The following ACOXL variants were observed in gnomAD, a reference collection of about 807,000 sequenced individuals.
ACOXL encodes acyl-CoA oxidase like.
A neutral mutation model predicts 71.9 loss-of-function variants in ACOXL; 70 were observed. That is an observed-to-expected ratio of 0.97 (90% CI 0.80 to 1.19). ACOXL has a LOEUF of 1.19. Among genes scored for constraint, ACOXL ranks in the 50% most tolerant of loss-of-function variants. The pLI is 0.00. For missense variants in ACOXL, 703 were observed against 736.3 expected (o/e 0.95, Z 0.52); for synonymous variants, 253 against 281.6 (o/e 0.90, Z 1.02).
At chr2:110,806,779 C>T (rs1332199108) in intron 9 of ACOXL, among the ~76,000 whole-genome samples, 1 of 152,146 alleles carries the variant, frequency 6.6e-6, no homozygotes, top group Non-Finnish European at 1.5e-5. Context: ...GGAAACCTTG[C>T]ACTCTTGCTG....
intron 16 of ACOXL, among the ~76,000 whole-genome samples, chr2:111,088,181 A>G (rs779125583): frequency 2.0e-5 from 3 of 152,250 alleles, no homozygotes; most frequent in African/African-American, 7.2e-5. Flanking sequence ...GGGAACGCCT[A>G]TGTACTGCTG....
In ACOXL at chr2:111,026,744, G is replaced by A. The variant is rs74663878; in HGVS notation, c.1282-4883G>A. Among the ~76,000 whole-genome samples, 831 of 152,234 alleles carry A rather than the reference G, an allele frequency of 5.5e-3. 6 individuals carry two copies. The highest frequency in any genetic ancestry group is 0.019 in the African/African-American group (800 of 41,540). On this transcript the variant is annotated intron_variant, in intron 14 of 17. Transcript: ENST00000439055. ...GCCTTGATTCAAATCCCAAGAGGGGGTTCTTGGATCATGTGCAGGAAGGAA... is the reference window on the plus strand; with the variant it reads ...GCCTTGATTCAAATCCCAAGAGGGGATTCTTGGATCATGTGCAGGAAGGAA...
intron 12 of ACOXL, among the ~76,000 whole-genome samples, chr2:110,946,425 T>C (rs1322758485): frequency 6.6e-6 from 1 of 152,230 alleles, no homozygotes; most frequent in Non-Finnish European, 1.5e-5. Flanking sequence ...CTATGCTGAA[T>C]ATAAGTGGTG....
At chr2:110,855,144 A>T (rs1352684290) in intron 10 of ACOXL, among the ~76,000 whole-genome samples, 1 of 152,222 alleles carries the variant, frequency 6.6e-6, no homozygotes, top group African/African-American at 2.4e-5. Flanking sequence ...TACTTCTTAC[A>T]TCTTTTTTGT....
intron 9 of ACOXL, among the ~76,000 whole-genome samples, chr2:110,831,874 A>C (rs1689870520): frequency 6.6e-6 from 1 of 152,212 alleles, no homozygotes; most frequent in Non-Finnish European, 1.5e-5. Context: ...GAACATCCAC[A>C]CATGAAAAAA....
intron 10 of ACOXL, among the ~76,000 whole-genome samples, chr2:110,874,253 C>T (rs1695622210): frequency 6.6e-6 from 1 of 152,182 alleles, no homozygotes; most frequent in South Asian, 2.1e-4. Context: ...GGAGAGTGGG[C>T]ACGACATTTG....
At chr2:110,819,422 G>A (rs1426781243) in intron 9 of ACOXL, among the ~76,000 whole-genome samples, 2 of 152,128 alleles carry the variant, frequency 1.3e-5, no homozygotes, top group Non-Finnish European at 2.9e-5. Flanking sequence ...CAGGCAGGGT[G>A]GAGGCTCTGG....
At chr2:110,845,842 C>T (rs1326684749) in intron 10 of ACOXL, among the ~76,000 whole-genome samples, 1 of 152,194 alleles carries the variant, frequency 6.6e-6, no homozygotes, top group Non-Finnish European at 1.5e-5. Flanking sequence ...TCAGTAGACA[C>T]TTGGGTCGCT....
intron 5 of ACOXL, among the ~76,000 whole-genome samples, chr2:110,796,337 G>T (rs975456218): frequency 1.3e-5 from 2 of 152,080 alleles, no homozygotes; most frequent in Non-Finnish European, 2.9e-5. Flanking sequence ...GAAGTCTCTG[G>T]CCAAAGGCAT....
At chr2:111,061,015 C>A (rs1260267473) in intron 16 of ACOXL, among the ~76,000 whole-genome samples, 2 of 152,120 alleles carry the variant, frequency 1.3e-5, no homozygotes, top group African/African-American at 4.8e-5. Flanking sequence ...AGCAGAGCCT[C>A]AGGGACCTGT....
intron 14 of ACOXL, among the ~76,000 whole-genome samples, chr2:111,023,215 C>G (rs2064855991): frequency 6.6e-6 from 1 of 152,216 alleles, no homozygotes; most frequent in Admixed American, 6.5e-5. Context: ...CCTCTGTGCA[C>G]AGGGAGATGA....
chr2:111,064,458 A>C (rs2066969628), intron 16 of ACOXL, among the ~76,000 whole-genome samples: 1 of 149,906 alleles, frequency 6.7e-6, no homozygotes, highest in African/African-American at 2.5e-5. Flanking sequence ...AAAAAAAAAC[A>C]ACAACTATAT....
chr2:111,079,174 TA>T (rs2067762924), intron 16 of ACOXL, among the ~76,000 whole-genome samples: 1 of 152,238 alleles, frequency 6.6e-6, no homozygotes, highest in African/African-American at 2.4e-5. Flanking sequence ...ATATTAGGGT[TA>T]TTCCTTGGGT....
chr2:110,787,500 T>TCCGCAG (rs1684124574), intron 3 of ACOXL, among the ~76,000 whole-genome samples: 2 of 144,804 alleles, frequency 1.4e-5, no homozygotes, highest in African/African-American at 5.2e-5. Flanking sequence ...CACCACTGCA[T>TCCGCAG]TCCAGCCTGG....
At chr2:111,055,264 C>T (rs1399172902) in intron 16 of ACOXL, among the ~76,000 whole-genome samples, 2 of 152,216 alleles carry the variant, frequency 1.3e-5, no homozygotes, top group African/African-American at 2.4e-5. Flanking sequence ...AGGGCATTTG[C>T]AGGGGACTGT....
intron 11 of ACOXL, among the ~76,000 whole-genome samples, chr2:110,925,716 T>A (rs939720362): frequency 2.0e-5 from 3 of 152,258 alleles, no homozygotes; most frequent in Non-Finnish European, 2.9e-5. Context: ...GTGTGTTCAC[T>A]GGAGTAGCAC....
At chr2:110,909,677 TG>T (rs914653238) in intron 11 of ACOXL, among the ~76,000 whole-genome samples, 11 of 151,286 alleles carry the variant, frequency 7.3e-5, no homozygotes, top group Non-Finnish European at 1.6e-4. Context: ...AACATGCTGA[TG>T]GGGAAGCTAG....
intron 10 of ACOXL, among the ~76,000 whole-genome samples, chr2:110,862,224 G>C (rs1181932348): frequency 6.6e-6 from 1 of 152,148 alleles, no homozygotes; most frequent in Admixed American, 6.5e-5. Context: ...TGGGAAAGCT[G>C]GTGCTTCCCT....
intron 12 of ACOXL, among the ~76,000 whole-genome samples, chr2:110,971,905 T>G (rs1295104257): frequency 1.3e-5 from 2 of 152,236 alleles, no homozygotes; most frequent in Admixed American, 6.5e-5. Context: ...TTGACAACTT[T>G]CTCTCTGGGA....
Sources: allele counts gnomAD v4.1 joint callset (sites outside exome capture counted in the v4.1 genomes callset), GRCh38; gene constraint gnomAD v4.1.1; transcripts MANE v1.5; gene names NCBI Gene and HGNC (gene_info 2026-07-23, HGNC 2026-07-21).